Variants in FBXL22 observed in about 807,000 individuals in gnomAD.
FBXL22 encodes F-box and leucine rich repeat protein 22.
A neutral mutation model predicts 11.7 loss-of-function variants in FBXL22; 13 were observed. The observed-to-expected ratio is 1.11, with a 90% confidence interval of 0.73 to 1.77. FBXL22 has a LOEUF of 1.77. FBXL22 is among the 40% of genes most tolerant of loss of function. FBXL22 has a pLI of 0.00. For missense variants in FBXL22, 406 were observed against 320.4 expected (o/e 1.27, Z -2.04); for synonymous variants, 160 against 144.1 (o/e 1.11, Z -0.79).
downstream of FBXL22, among the ~76,000 whole-genome samples, chr15:63,603,706 G>T (rs1595799161): frequency 6.6e-6 from 1 of 152,216 alleles, no homozygotes; most frequent in East Asian, 1.9e-4. Context: ...AGGGCTCCGG[G>T]CTGGGGCAGT....
downstream of FBXL22, among the ~76,000 whole-genome samples, chr15:63,604,812 T>G (rs981186107): frequency 1.3e-5 from 2 of 152,178 alleles, no homozygotes; most frequent in Admixed American, 1.3e-4. Flanking sequence ...CCTAGCACTT[T>G]GGGAGGCCAA....
intron 1 of FBXL22, among the ~76,000 whole-genome samples, chr15:63,598,100 C>A (rs1023948445): frequency 1.3e-5 from 2 of 152,102 alleles, no homozygotes; most frequent in African/African-American, 4.8e-5. Flanking sequence ...AATCAGCTCA[C>A]CCCTCCATTA....
rs2067362349 is a variant in FBXL22 at position 63,600,995 on chromosome 15, CCGCGCG to C, written c.656_661del (p.Arg219_Ala220del). 1.7e-6 allele frequency: 2 copies of C among 1,192,324 alleles called. No individual in the cohort carries two copies. Among genetic ancestry groups the C allele is most frequent in the East Asian group, 3.5e-5 (1 of 28,446 alleles). 73.9% of individuals were successfully genotyped at this position (1,192,324 alleles called of 1,614,324 possible). The stretch of plus-strand genomic sequence containing the variant: ...CATGCTGCCCGACCAGCCCCCGCGC[CCGCGCG>C]CGCCCGCCGCGGCCCTCGGCAAGCT... On this transcript the variant is annotated inframe_deletion, in exon 2 of 2. Transcript: ENST00000638704.
chr15:63,607,181 G>A (rs767800863), downstream of FBXL22, among the ~76,000 whole-genome samples: 3 of 152,180 alleles, frequency 2.0e-5, no homozygotes, highest in South Asian at 6.2e-4. Flanking sequence ...GAGTAGCTGG[G>A]ACTACAGGTG....
downstream of FBXL22, among the ~76,000 whole-genome samples, chr15:63,603,125 C>T (rs1380011066): frequency 1.3e-5 from 2 of 152,112 alleles, no homozygotes; most frequent in Non-Finnish European, 2.9e-5. Flanking sequence ...TTGAGACAGA[C>T]CAAGCCTGGA....
At chr15:63,606,697 G>T (rs1291959918), downstream of FBXL22, among the ~76,000 whole-genome samples, 1 of 150,310 alleles carries the variant, frequency 6.7e-6, no homozygotes, top group Non-Finnish European at 1.5e-5. Context: ...CTGCAAAAAT[G>T]AAAACATAGT....
At chr15:63,603,612 G>A (rs1308962017), downstream of FBXL22, among the ~76,000 whole-genome samples, 1 of 152,222 alleles carries the variant, frequency 6.6e-6, no homozygotes, top group Non-Finnish European at 1.5e-5. Flanking sequence ...TGAAGTCCCA[G>A]CGGCCCTGGA....
At chr15:63,608,320 T>C in the FBXL22 span, among the ~76,000 whole-genome samples, 124,572 of 152,214 alleles carry the variant, frequency 0.82, 52,875 homozygotes, top group Non-Finnish European at 0.88. Context: ...CAGAGAAGGA[T>C]GCGTGGTACT....
At chr15:63,601,456 A>G, downstream of FBXL22, 1 of 1,569,748 alleles carries the variant, frequency 6.4e-7, no homozygotes, top group Non-Finnish European at 8.7e-7. Context: ...TGCCGCGCGC[A>G]GGGGTCTGGG....
chr15:63,599,979 T>A, intron 1 of FBXL22: 1 of 985,836 alleles, frequency 1.0e-6, no homozygotes, highest in South Asian at 4.7e-5. Context: ...CAAGATCTTT[T>A]CTTTGCTGGG....
At chr15:63,598,169 C>T (rs1400015731) in intron 1 of FBXL22, among the ~76,000 whole-genome samples, 1 of 152,084 alleles carries the variant, frequency 6.6e-6, no homozygotes, top group East Asian at 1.9e-4. Flanking sequence ...GGGTGGGGAG[C>T]CAGAGGTGGA....
the FBXL22 span, among the ~76,000 whole-genome samples, chr15:63,607,491 C>G: frequency 4.7e-4 from 72 of 152,360 alleles, no homozygotes; most frequent in African/African-American, 1.5e-3. Context: ...GGGGTTCCCC[C>G]CAAAGCTGGA....
intron 1 of FBXL22, among the ~76,000 whole-genome samples, chr15:63,598,917 C>G (rs1829800347): frequency 6.6e-6 from 1 of 152,284 alleles, no homozygotes; most frequent in East Asian, 1.9e-4. Context: ...TCCATTCTTA[C>G]TGTAAGAGAA....
Position 63,601,119 on chromosome 15 carries a change from G to C in FBXL22, c.*80G>C. 7.5e-7 allele frequency: 1 copy of C among 1,329,404 alleles called. No individual in the cohort carries two copies. The highest frequency in any genetic ancestry group is 9.6e-7 in the Non-Finnish European group (1 of 1,042,870). 82.4% of individuals were successfully genotyped at this position (1,329,404 alleles called of 1,614,324 possible). A position where few individuals can be genotyped will look rare whatever the true frequency, so the allele number is the denominator to read the frequency against. On this transcript the variant is annotated 3_prime_UTR_variant, in exon 2 of 2. Transcript: ENST00000638704. Reference sequence around the variant, plus strand: ...TTCGAACCCAGCTCTTCCACCTTCAGACCACCACCGCATATTCTGAGCCTC... The same window carrying C: ...TTCGAACCCAGCTCTTCCACCTTCACACCACCACCGCATATTCTGAGCCTC...
Position 63,597,804 on chromosome 15 carries a change from G to A in FBXL22, c.353+59G>A. The A allele has an allele frequency of 1.4e-6, 2 of 1,475,148 alleles. No homozygotes were observed. Among genetic ancestry groups the A allele is most frequent in the Non-Finnish European group, 9.0e-7 (1 of 1,106,364 alleles). The allele number at this position is 1,475,148 out of a possible 1,614,324, so 91.4% of individuals were successfully genotyped here. A position where few individuals can be genotyped will look rare whatever the true frequency, so the allele number is the denominator to read the frequency against. The stretch of plus-strand genomic sequence containing the variant: ...CCGCTAGCTCTGGCTTCCCTCTTGG[G>A]GGGCAGGGAAGAGCAAATTACGAGA... On this transcript the variant is annotated intron_variant, in intron 1 of 1. Coordinates refer to ENST00000638704, the MANE Select transcript of FBXL22 (RefSeq NM_001367807.1). This position sits in a 1 kb window ranked among gnomAD's most constrained non-coding sequence, Gnocchi z 4.3.
downstream of FBXL22, chr15:63,601,540 G>A (rs140242880): frequency 3.3e-3 from 5,119 of 1,557,418 alleles, 14 homozygotes; most frequent in Middle Eastern, 5.8e-3. Flanking sequence ...ACCTCCAGGA[G>A]CCCCGGTGGT....
At chr15:63,598,202 C>G (rs1243906692) in intron 1 of FBXL22, among the ~76,000 whole-genome samples, 1 of 152,162 alleles carries the variant, frequency 6.6e-6, no homozygotes, top group Non-Finnish European at 1.5e-5. Context: ...CTCAGGTCAG[C>G]TGAGCCAAAC....
downstream of FBXL22, among the ~76,000 whole-genome samples, chr15:63,603,750 C>G (rs1432985272): frequency 6.6e-6 from 1 of 152,192 alleles, no homozygotes; most frequent in Non-Finnish European, 1.5e-5. Flanking sequence ...CACAGTAAGC[C>G]CTGGCCCAGC....
At chr15:63,600,387 G>A (rs1434117844) in intron 1 of FBXL22, 1 of 1,148,904 alleles carries the variant, frequency 8.7e-7, no homozygotes, top group Non-Finnish European at 1.1e-6. Context: ...TCCTGGAACC[G>A]GCATTCCCTC....
Sources: allele counts gnomAD v4.1 joint callset (sites outside exome capture counted in the v4.1 genomes callset), GRCh38; gene constraint gnomAD v4.1.1; non-coding constraint Gnocchi (gnomAD v3.1); transcripts MANE v1.5; gene names NCBI Gene and HGNC (gene_info 2026-07-23, HGNC 2026-07-21).